MYH7: variants seen among roughly 807,000 people sequenced by gnomAD.
MYH7 encodes the protein myosin-7.
MYH7 carries 129 observed loss-of-function variants against 225.4 expected under a neutral mutation model. The ratio of observed to expected loss-of-function variants is 0.57; its 90% CI spans 0.50 to 0.66. The LOEUF is 0.66. Ranked by LOEUF, MYH7 falls within the 30% of genes least tolerant of loss-of-function variation. MYH7 has a pLI of 0.00. For synonymous variants in MYH7, 971 were observed against 1,007.6 expected (o/e 0.96, Z 0.69); for missense variants, 1,649 against 2,517.0 (o/e 0.66, Z 7.38).
intron 6 of MYH7, 106 bp downstream of exon 6, chr14:23,432,371 TGG>T: frequency 7.2e-7 from 1 of 1,388,948 alleles, no homozygotes. Context: ...GGCACGAGGT[TGG>T]GGGGAAAGAG....
At chr14:23,423,169 A>G (rs111460546) in intron 24 of MYH7, among the ~76,000 whole-genome samples, 13 of 152,182 alleles carry the variant, frequency 8.5e-5, no homozygotes, top group Admixed American at 2.0e-4. Context: ...CAAAAATTCT[A>G]CTTGGGGAGC....
In MYH7 at chr14:23,433,721, C is replaced by T. The variant is rs45561941; in HGVS notation, c.12G>A (p.Ser4=). 4.5e-5 allele frequency: 72 copies of T among 1,614,038 alleles called. No homozygotes were observed. The highest frequency in any genetic ancestry group is 8.0e-5 in the African/African-American group (6 of 75,068). ...CGGCAGCCCCAAAGACTGCCATCTC[C>T]GAATCTCCCATGGCTGTGCCTGGAG... MGD[S]EMAVFGAAAP... Residue 4 remains serine (S), a synonymous_variant, in exon 3 of 40, where the codon TCG becomes TCA. Coordinates refer to ENST00000355349, the MANE Select transcript of MYH7 (RefSeq NM_000257.4). This position sits in a 1 kb window ranked among gnomAD's most constrained non-coding sequence, Gnocchi z 4.1.
chr14:23,428,807 C>T, intron 14 of MYH7, 137 bp from the exon 15 acceptor site: 3 of 1,573,460 alleles, frequency 1.9e-6, no homozygotes, highest in Non-Finnish European at 1.7e-6. Context: ...GAGGGCTTCC[C>T]CTGAAGACAG....
chr14:23,426,046 G>A lies in MYH7; in HGVS notation c.2080C>T (p.Arg694Cys), dbSNP rs727504240. 15 of 1,614,074 alleles carry A rather than the reference G, an allele frequency of 9.3e-6. No individual in the cohort carries two copies. The highest frequency in any genetic ancestry group is 4.5e-5 in the East Asian group (2 of 44,902). ...ATGCCCTCCAGCACACCATTGCAGC[G>A]CAGCTGGTGCATGACCAGGGGGTTG... Reference protein sequence around the residue: ...MDNPLVMHQLRCNGVLEGIRI... With the variant: ...MDNPLVMHQLCCNGVLEGIRI... Residue 694 changes from arginine to cysteine, a missense_variant, in exon 19 of 40, where the codon CGC (arginine) becomes TGC (cysteine). Arg to Cys is a radical substitution (Grantham distance 180, BLOSUM62 -3). Coordinates refer to ENST00000355349, the MANE Select transcript of MYH7 (RefSeq NM_000257.4).
In MYH7 at chr14:23,425,108, C is replaced by A; in HGVS notation, c.2424-84G>T. 1 of 1,610,464 alleles carries A rather than the reference C, an allele frequency of 6.2e-7. No homozygotes were observed. Among genetic ancestry groups the A allele is most frequent in the Non-Finnish European group, 8.5e-7 (1 of 1,177,948 alleles). On this transcript the variant is annotated intron_variant, in intron 21 of 39. Coordinates refer to ENST00000355349, the MANE Select transcript of MYH7 (RefSeq NM_000257.4). The surrounding 1 kb of genome is among the most constrained non-coding windows in gnomAD (Gnocchi z 4.6). ...TGAAACCTTGGGAATATCCCATTTCCTTCATCCCTCCCACCCTTCCTGAGG... is the reference window on the plus strand; with the variant it reads ...TGAAACCTTGGGAATATCCCATTTCATTCATCCCTCCCACCCTTCCTGAGG...
chr14:23,421,019 G>A lies in MYH7; in HGVS notation c.3275C>T (p.Ala1092Val). The change falls in exon 26 of 40, where the codon GCA becomes GTA. Residue 1092 changes from alanine (A) to valine (V), a missense_variant. Transcript: ENST00000355349. ...GAGGGCCTGTTCATCCTCAATCCTT[G>A]CGTTGAGAGCATTCAGCTCAAAGTC... ...KKDFELNALN[A>V]RIEDEQALGS... 1 of 1,612,944 alleles carries A rather than the reference G, an allele frequency of 6.2e-7. No homozygotes were observed. Among genetic ancestry groups the A allele is most frequent in the South Asian group, 1.1e-5 (1 of 91,018 alleles).
intron 27 of MYH7, 64 bp from the exon 28 acceptor site, chr14:23,419,673 G>A (rs553763580): frequency 3.1e-6 from 5 of 1,613,382 alleles, no homozygotes; most frequent in East Asian, 2.2e-5. Context: ...GGGTGTAAGA[G>A]GTGCAACTGA....
In MYH7 at chr14:23,428,945, C is replaced by T. The variant is rs1311723874; in HGVS notation, c.1407+10G>A. 1 of 1,614,198 alleles carries T rather than the reference C, an allele frequency of 6.2e-7. No homozygotes were observed. The highest frequency in any genetic ancestry group is 8.5e-7 in the Non-Finnish European group (1 of 1,180,042). ...TGATTGTTCTCCCACTCCCAGGGGT[C>T]CCAACTCACATCGAAGATCTCGAAG... is the stretch of plus-strand genomic sequence containing the variant. On this transcript the variant is annotated intron_variant, in intron 14 of 39. Transcript: ENST00000355349.
chr14:23,432,831 C>T lies in MYH7; in HGVS notation c.346-36G>A, dbSNP rs3729806. 629 of 1,613,432 alleles carry T rather than the reference C, an allele frequency of 3.9e-4. 2 individuals are homozygous for T. In the African/African-American group the frequency reaches 6.1e-3, roughly 16 times the overall value. ...AAAAGGAGCAGTGACTTGCCAGTTG[C>T]GAAGGGGGAGGGCTGGTGATTTTGG... On this transcript the variant is annotated intron_variant, in intron 4 of 39. Coordinates refer to ENST00000355349, the MANE Select transcript of MYH7 (RefSeq NM_000257.4).
In MYH7 at chr14:23,413,788, G is replaced by A. The variant is rs539290591; in HGVS notation, c.5761C>T (p.Arg1921Trp). The A allele has an allele frequency of 3.2e-5, 51 of 1,614,104 alleles. No homozygotes were observed. Among genetic ancestry groups the A allele is most frequent in the Non-Finnish European group, 4.2e-5 (49 of 1,180,054 alleles). ...DIAESQVNKL[R>W]AKSRDIGTKG... ...GTGCCAATGTCACGGCTCTTGGCCCGCAGCTTGTTGACCTGGGACTCGGCG... is the reference window on the plus strand; with the variant it reads ...GTGCCAATGTCACGGCTCTTGGCCCACAGCTTGTTGACCTGGGACTCGGCG... The change falls in exon 39 of 40, where the codon CGG becomes TGG. Residue 1921 changes from arginine to tryptophan, a missense_variant. Arg to Trp is a moderately radical substitution (Grantham distance 101). Transcript: ENST00000355349.
intron 10 of MYH7, 75 bp downstream of exon 10, chr14:23,430,826 G>A: frequency 7.5e-7 from 1 of 1,339,614 alleles, no homozygotes; most frequent in Non-Finnish European, 1.1e-6. Flanking sequence ...GGGCATGCCA[G>A]CTGAGTCCAG....
At chr14:23,418,145 T>TGGGGC in intron 30 of MYH7, 65 bp downstream of exon 30, 1 of 1,610,974 alleles carries the variant, frequency 6.2e-7, no homozygotes, top group Non-Finnish European at 8.5e-7. Flanking sequence ...CTGCTGAGGC[T>TGGGGC]GGGGCTGGGC....
In MYH7 at chr14:23,427,876, T is replaced by A; in HGVS notation, c.1597A>T (p.Ile533Phe). Residue 533 changes from isoleucine to phenylalanine, a missense_variant, in exon 16 of 40, where the codon ATC becomes TTC. Physicochemically the swap from Ile to Phe is conservative, Grantham distance 21. Transcript: ENST00000355349. ...LIEKPMGIMS[I>F]LEEECMFPKA... ...GGGAACATGCACTCCTCTTCCAGGA[T>A]GGACATGATGCCCATGGGCTGAGGA... 6.2e-7 allele frequency: 1 copy of A among 1,614,102 alleles called. No homozygotes were observed. The highest frequency in any genetic ancestry group is 8.5e-7 in the Non-Finnish European group (1 of 1,180,014).
chr14:23,421,791 T>C (rs1017990151), intron 25 of MYH7: 3 of 985,274 alleles, frequency 3.0e-6, no homozygotes, highest in Non-Finnish European at 3.6e-6. Flanking sequence ...GGGCATTTCT[T>C]GGTGCCCTGT....
intron 10 of MYH7, 41 bp from the exon 11 acceptor site, chr14:23,430,704 G>A (rs774891915): frequency 2.3e-5 from 36 of 1,546,024 alleles, no homozygotes; most frequent in African/African-American, 6.8e-5. Flanking sequence ...ACAAGCCCCC[G>A]GCTCTCATGG....
chr14:23,432,170 G>A (rs1320289880), intron 6 of MYH7, among the ~76,000 whole-genome samples: 2 of 152,210 alleles, frequency 1.3e-5, no homozygotes, highest in Non-Finnish European at 2.9e-5. Flanking sequence ...GGAAGAATGG[G>A]AAATGTTTCT....
Position 23,433,848 on chromosome 14 carries a change from T to A in MYH7, c.-8-108A>T. 1.8e-6 allele frequency: 2 copies of A among 1,105,738 alleles called. No homozygotes were observed. The highest frequency in any genetic ancestry group is 2.7e-6 in the Non-Finnish European group (2 of 750,254). 68.5% of individuals were successfully genotyped at this position (1,105,738 alleles called of 1,614,324 possible). On this transcript the variant is annotated intron_variant, in intron 2 of 39. Transcript: ENST00000355349. The surrounding 1 kb of genome is among the most constrained non-coding windows in gnomAD (Gnocchi z 4.1). ...CAAAACCTAGCACCATGCTCAAGAG[T>A]CAAGAGGAGTTACCAGTGAGTCCCT...
intron 15 of MYH7, 64 bp from the exon 16 acceptor site, chr14:23,427,958 A>G (rs1269304165): frequency 3.8e-6 from 6 of 1,597,522 alleles, no homozygotes; most frequent in East Asian, 2.2e-5. Context: ...ATTCTGCTCT[A>G]TGGTCAATAT....
At position 23,417,921 on chromosome 14, in the gene MYH7, A is replaced by C; in HGVS notation, c.4170-235T>G. On this transcript the variant is annotated intron_variant, in intron 30 of 39. Transcript: ENST00000355349. The stretch of plus-strand genomic sequence containing the variant: ...TCTGCGCTATGGACATTGAGGAGGT[A>C]TGGGCTTCTGCAGCCCTCCCCACTG... 3.4e-6 allele frequency: 3 copies of C among 869,920 alleles called. No individual in the cohort carries two copies. In the East Asian group the frequency reaches 7.2e-5, roughly 21 times the overall value. The allele number at this position is 869,920 out of a possible 1,614,324, so 53.9% of individuals were successfully genotyped here. A position where few individuals can be genotyped will look rare whatever the true frequency, so the allele number is the denominator to read the frequency against.
Sources: gnomAD v4.1 joint callset for allele counts (sites outside exome capture counted in the v4.1 genomes callset) on GRCh38, gnomAD v4.1.1 for gene constraint, Gnocchi (gnomAD v3.1) non-coding constraint, MANE v1.5 for transcripts, NCBI Gene and HGNC (gene_info 2026-07-23, HGNC 2026-07-21) for gene names.